NAALADL2: variants seen among roughly 807,000 people sequenced by gnomAD.
NAALADL2 encodes inactive N-acetylated-alpha-linked acidic dipeptidase-like protein 2.
NAALADL2 carries 76 observed loss-of-function variants against 87.2 expected under a neutral mutation model. That is an observed-to-expected ratio of 0.87 (90% CI 0.72 to 1.05). The LOEUF (loss-of-function observed/expected upper bound fraction) is 1.05. Ranked by LOEUF, NAALADL2 falls within the 50% of genes least tolerant of loss-of-function variation. NAALADL2 has a pLI of 0.00. For missense variants in NAALADL2, 1,089 were observed against 945.8 expected, an observed-to-expected ratio of 1.15 and a Z score of -1.99; for synonymous variants, 354 against 331.0, an observed-to-expected ratio of 1.07 and a Z score of -0.75.
intron 12 of NAALADL2, among the ~76,000 whole-genome samples, chr3:175,746,165 CT>C (rs150272211): frequency 4.1e-5 from 6 of 147,782 alleles, no homozygotes; most frequent in East Asian, 2.0e-4. Context: ...TGACTTTTTT[CT>C]TTTTTTTTTC....
At chr3:175,627,737 T>G (rs1216441449) in intron 11 of NAALADL2, among the ~76,000 whole-genome samples, 1 of 151,698 alleles carries the variant, frequency 6.6e-6, no homozygotes, top group East Asian at 1.9e-4. Flanking sequence ...TTGATTAAAC[T>G]AGGTGACATA....
At chr3:175,117,945 A>T (rs1725526244) in intron 2 of NAALADL2, among the ~76,000 whole-genome samples, 1 of 152,034 alleles carries the variant, frequency 6.6e-6, no homozygotes, top group African/African-American at 2.4e-5. Flanking sequence ...ATAAAAAATG[A>T]TGAGTTCATG....
intron 1 of NAALADL2, among the ~76,000 whole-genome samples, chr3:174,906,948 G>A (rs1192569672): frequency 6.6e-6 from 1 of 151,808 alleles, no homozygotes; most frequent in African/African-American, 2.4e-5. Context: ...TTTATCACAG[G>A]TGAGTTTTAT....
chr3:175,694,231 A>G (rs905940496), intron 11 of NAALADL2, among the ~76,000 whole-genome samples: 1 of 152,172 alleles, frequency 6.6e-6, no homozygotes. Context: ...AATAGGTGAA[A>G]TTACCAAAAA....
chr3:174,521,089 C>T (rs993337109), intron 1 of NAALADL2, among the ~76,000 whole-genome samples: 1 of 152,098 alleles, frequency 6.6e-6, no homozygotes, highest in Non-Finnish European at 1.5e-5. Context: ...AACCTCTGTG[C>T]AAAACAGTGT....
At chr3:174,476,322 G>A (rs1717208248) in intron 1 of NAALADL2, among the ~76,000 whole-genome samples, 2 of 151,174 alleles carry the variant, frequency 1.3e-5, no homozygotes, top group Non-Finnish European at 1.5e-5. Context: ...GCAGGGGAGA[G>A]GAATAAACTA....
At chr3:175,589,522 T>C (rs1055043179) in intron 10 of NAALADL2, among the ~76,000 whole-genome samples, 6 of 151,972 alleles carry the variant, frequency 3.9e-5, no homozygotes, top group Non-Finnish European at 5.9e-5. Context: ...ATTGTGTATA[T>C]ATAATTCCTA....
intron 2 of NAALADL2, among the ~76,000 whole-genome samples, chr3:174,701,540 T>C (rs955016540): frequency 1.3e-5 from 2 of 152,302 alleles, no homozygotes; most frequent in Middle Eastern, 3.4e-3. Flanking sequence ...GAATTCATCA[T>C]TACAATGTAA....
chr3:175,429,881 A>G (rs1178649655), intron 5 of NAALADL2, among the ~76,000 whole-genome samples: 4 of 152,032 alleles, frequency 2.6e-5, no homozygotes, highest in African/African-American at 4.8e-5. Context: ...TAAGTAAAAG[A>G]AAGTATAATA....
intron 1 of NAALADL2, among the ~76,000 whole-genome samples, chr3:174,447,490 G>A (rs1445259300): frequency 6.6e-6 from 1 of 152,160 alleles, no homozygotes; most frequent in Non-Finnish European, 1.5e-5. Flanking sequence ...TATTGAATGT[G>A]AATATGACAT....
intron 3 of NAALADL2, among the ~76,000 whole-genome samples, chr3:174,805,716 A>G (rs929342282): frequency 1.3e-5 from 2 of 152,186 alleles, no homozygotes; most frequent in African/African-American, 2.4e-5. Context: ...GGAGGAGAAT[A>G]TTGGAGAACC....
intron 3 of NAALADL2, among the ~76,000 whole-genome samples, chr3:174,820,031 T>G (rs1281660961): frequency 2.6e-5 from 4 of 152,172 alleles, no homozygotes; most frequent in African/African-American, 9.7e-5. Context: ...CAGTTTGGAA[T>G]GCACTTAGTT....
At chr3:175,548,194 A>G (rs1381674584) in intron 9 of NAALADL2, among the ~76,000 whole-genome samples, 1 of 152,200 alleles carries the variant, frequency 6.6e-6, no homozygotes, top group African/African-American at 2.4e-5. Context: ...AATGTGGTAC[A>G]TATATACCAT....
chr3:174,797,659 C>T (rs1246713454), intron 3 of NAALADL2, among the ~76,000 whole-genome samples: 1 of 152,006 alleles, frequency 6.6e-6, no homozygotes, highest in African/African-American at 2.4e-5. Flanking sequence ...CTTAAGATTG[C>T]TTAGGCAATT....
intron 3 of NAALADL2, among the ~76,000 whole-genome samples, chr3:174,831,362 A>T (rs1253157708): frequency 3.4e-5 from 5 of 145,910 alleles, no homozygotes; most frequent in Admixed American, 6.8e-5. Flanking sequence ...TCTATTGAGA[A>T]AATCATGTGG....
intron 2 of NAALADL2, among the ~76,000 whole-genome samples, chr3:174,629,017 C>T (rs189437642): frequency 1.4e-4 from 22 of 152,258 alleles, no homozygotes; most frequent in African/African-American, 4.8e-4. Flanking sequence ...TGTTGTTAAA[C>T]TTGTGTTTAG....
intron 2 of NAALADL2, among the ~76,000 whole-genome samples, chr3:174,596,949 C>T (rs551274218): frequency 2.0e-5 from 3 of 152,262 alleles, no homozygotes; most frequent in East Asian, 3.9e-4. Context: ...CTATTGGGCT[C>T]TCATCCTTTT....
rs1342479317 is a variant in NAALADL2, at chr3:175,171,573, A to AAAC, written c.546-62356_546-62354dup. ...TTCATTATTTATTCATTCTTCTAAG[A>AAAC]AACATGTATTGAAACTCCTCTGTCT... On this transcript the variant is annotated intron_variant, in intron 2 of 13. Transcript: ENST00000454872. Among the ~76,000 whole-genome samples, 5 of 152,252 alleles carry AAAC rather than the reference A, an allele frequency of 3.3e-5. No homozygotes were observed. The East Asian group carries it at 9.6e-4, about 29-fold the overall frequency.
intron 1 of NAALADL2, among the ~76,000 whole-genome samples, chr3:175,036,148 G>T (rs908730660): frequency 2.6e-5 from 4 of 152,056 alleles, no homozygotes; most frequent in African/African-American, 9.7e-5. Context: ...GAATCAAAAT[G>T]TCACTAAAAT....
Sources: gnomAD v4.1 joint callset for allele counts (sites outside exome capture counted in the v4.1 genomes callset) on GRCh38, gnomAD v4.1.1 for gene constraint, MANE v1.5 for transcripts, NCBI Gene and HGNC (gene_info 2026-07-23, HGNC 2026-07-21) for gene names.